Variants in ULK4 observed in about 807,000 individuals in gnomAD.
The protein encoded by ULK4 is unc-51 like kinase 4.
In ULK4, 133 loss-of-function variants were observed where a neutral mutation model predicts 160.6. That is an observed-to-expected ratio of 0.83 (90% CI 0.72 to 0.96). The LOEUF (loss-of-function observed/expected upper bound fraction) is 0.96. Ranked by LOEUF, ULK4 falls within the 40% of genes least tolerant of loss-of-function variation. ULK4 has a pLI of 0.00. For missense variants in ULK4, 1,580 were observed against 1,499.5 expected, an observed-to-expected ratio of 1.05 and a Z score of -0.89; for synonymous variants, 534 against 539.8, an observed-to-expected ratio of 0.99 and a Z score of 0.15.
intron 35 of ULK4, chr3:41,278,263 G>C (rs2079269606): frequency 6.6e-6 from 1 of 152,466 alleles, no homozygotes; most frequent in South Asian, 2.1e-4. Context: ...CATTGCTGAG[G>C]CTTGAGTAGG....
intron 23 of ULK4, 69 bp from the exon 24 acceptor site, chr3:41,715,637 G>C: frequency 6.3e-7 from 1 of 1,594,764 alleles, no homozygotes. Context: ...ACTGGTCATT[G>C]CTTGAATACC....
chr3:41,858,669 G>GTTT (rs1553675928), intron 17 of ULK4, among the ~76,000 whole-genome samples: 109 of 127,024 alleles, frequency 8.6e-4, no homozygotes, highest in African/African-American at 3.4e-3. Context: ...ATTTTTGTGT[G>GTTT]ATTTTTTTTT....
At position 41,671,942 on chromosome 3, in the gene ULK4, A is replaced by G. The variant is rs542576830; in HGVS notation, c.2979-8243T>C. On this transcript the variant is annotated intron_variant, in intron 29 of 36. Transcript: ENST00000301831. ...AAAGGATATAAACATTTCTCAAAAG[A>G]AGACATACAAATGGCCAACGGGTAC... 4.6e-5 allele frequency among the ~76,000 whole-genome samples: 7 copies of G among 152,298 alleles called. 1 individual carries two copies. The highest frequency in any genetic ancestry group is 4.6e-4 in the Admixed American group (7 of 15,298).
intron 32 of ULK4, among the ~76,000 whole-genome samples, chr3:41,507,258 C>A (rs1199508127): frequency 5.4e-5 from 8 of 148,626 alleles, no homozygotes; most frequent in Non-Finnish European, 1.5e-5. Flanking sequence ...AAAAACAATG[C>A]CAAGTTAAAT....
At chr3:41,937,246 A>T (rs73071208) in intron 3 of ULK4, 83,316 of 628,450 alleles carry the variant, frequency 0.13, 6,359 homozygotes, top group Middle Eastern at 0.22. Context: ...CAGAGATCAG[A>T]AACAACAGCT....
chr3:41,584,043 A>G (rs976595457), intron 31 of ULK4, among the ~76,000 whole-genome samples: 2 of 152,206 alleles, frequency 1.3e-5, no homozygotes, highest in African/African-American at 2.4e-5. Flanking sequence ...CAATTCACTA[A>G]TTAAGTGGTT....
At position 41,863,882 on chromosome 3, in the gene ULK4, T is replaced by A. The variant is rs530841752; in HGVS notation, c.1656+19992A>T. On this transcript the variant is annotated intron_variant, in intron 17 of 36. Coordinates refer to ENST00000301831, the MANE Select transcript of ULK4 (RefSeq NM_017886.4). ...TCAAGCAGAAGGAAGGGGTCTTTTT[T>A]TGGAGCCGCGAGCTATGCAGCCTGG... Among the ~76,000 whole-genome samples, 101 of 151,762 alleles carry A rather than the reference T, an allele frequency of 6.7e-4. 1 individual carries two copies. The highest frequency in any genetic ancestry group is 2.1e-3 in the African/African-American group (88 of 41,390).
At chr3:41,491,310 T>C (rs1353439395) in intron 32 of ULK4, among the ~76,000 whole-genome samples, 3 of 133,328 alleles carry the variant, frequency 2.3e-5, no homozygotes, top group African/African-American at 8.5e-5. Flanking sequence ...AAAGTTGTTT[T>C]GGAAAAAATA....
rs529880069 is a variant in ULK4, at chr3:41,574,750, G to A, written c.3121-8620C>T. 2.0e-5 allele frequency among the ~76,000 whole-genome samples: 3 copies of A among 152,124 alleles called. No homozygotes were observed. The South Asian group carries it at 6.2e-4, about 32-fold the overall frequency. ...TCTAGTAGAGATGGGGTTTCACCGT[G>A]TTAGCCAGGATGGTCTCAATCTCCT... On this transcript the variant is annotated intron_variant, in intron 31 of 36. Transcript: ENST00000301831.
rs1491089866 is a variant in ULK4 at position 41,953,305 on chromosome 3, T to TATATATATATATA, written c.138+1316_138+1317insTATATATATATAT. Among the ~76,000 whole-genome samples, 4 of 91,778 alleles carry TATATATATATATA rather than the reference T, an allele frequency of 4.4e-5. No individual in the cohort carries two copies. The East Asian group carries it at 6.4e-4, about 15-fold the overall frequency. The allele number at this position is 91,778 out of a possible 152,430, so 60.2% of individuals were successfully genotyped here. A position where few individuals can be genotyped will look rare whatever the true frequency, so the allele number is the denominator to read the frequency against. On this transcript the variant is annotated intron_variant, in intron 2 of 36. Coordinates refer to ENST00000301831, the MANE Select transcript of ULK4 (RefSeq NM_017886.4). The stretch of plus-strand genomic sequence containing the variant: ...ATACACATATATATATATATATATA[T>TATATATATATATA]TTTTTTTTTTTTTTGAGATGGAGTC...
At position 41,951,544 on chromosome 3, in the gene ULK4, C is replaced by A. The variant is rs188122086; in HGVS notation, c.138+3078G>T. Among the ~76,000 whole-genome samples the A allele has an allele frequency of 3.5e-3, 540 of 152,240 alleles. 5 individuals are homozygous for A. The highest frequency in any genetic ancestry group is 6.4e-3 in the Non-Finnish European group (434 of 68,010). On this transcript the variant is annotated intron_variant, in intron 2 of 36. Transcript: ENST00000301831. ...TAAGGAGCCCAGAAATAAACCCTCACACATATGGTCAAATGACTTCCAATA... is the reference window on the plus strand; with the variant it reads ...TAAGGAGCCCAGAAATAAACCCTCAAACATATGGTCAAATGACTTCCAATA...
intron 22 of ULK4, among the ~76,000 whole-genome samples, chr3:41,746,616 C>A (rs2038432740): frequency 6.6e-6 from 1 of 151,532 alleles, no homozygotes; most frequent in Non-Finnish European, 1.5e-5. Context: ...AAGGTTTTGG[C>A]AAATATAAAC....
At chr3:41,921,681 C>A (rs1442788045) in intron 5 of ULK4, among the ~76,000 whole-genome samples, 9 of 152,174 alleles carry the variant, frequency 5.9e-5, no homozygotes, top group Admixed American at 5.9e-4. Flanking sequence ...GAATTAAAGT[C>A]TCTGGGTTCA....
chr3:41,549,351 A>C (rs2086982365), intron 32 of ULK4, among the ~76,000 whole-genome samples: 1 of 152,236 alleles, frequency 6.6e-6, no homozygotes, highest in Non-Finnish European at 1.5e-5. Flanking sequence ...GCTGTCATTA[A>C]GTAGGACCAA....
intron 32 of ULK4, among the ~76,000 whole-genome samples, chr3:41,506,767 A>AAAAAAAAAAAAAAATATATAAATATATAT: frequency 1.8e-5 from 1 of 56,766 alleles, no homozygotes; most frequent in East Asian, 8.2e-4. Context: ...TGTGATTTAA[A>AAAAAAAAAAAAAAATATATAAATATATAT]ATATATATAT....
At position 41,907,867 on chromosome 3, in the gene ULK4, T is replaced by C. The variant is rs774968257; in HGVS notation, c.1160A>G (p.Gln387Arg). The C allele has an allele frequency of 9.1e-5, 145 of 1,597,064 alleles. No homozygotes were observed. The Admixed American group carries it at 2.5e-3, about 27-fold the overall frequency. ...CACCTTGGTCAGAGGAGAAGTCTTC[T>C]GTGGTGAACAGTGAGTCATATCCTC... ...PGEDMTHCSP[Q>R]KTSPLTKITS... Residue 387 changes from glutamine (Q) to arginine (R), a missense_variant, in exon 12 of 37, where the codon CAG becomes CGG. Coordinates refer to ENST00000301831, the MANE Select transcript of ULK4 (RefSeq NM_017886.4).
chr3:41,931,222 A>G (rs1387924593), intron 5 of ULK4, among the ~76,000 whole-genome samples: 1 of 152,168 alleles, frequency 6.6e-6, no homozygotes, highest in African/African-American at 2.4e-5. Flanking sequence ...TCAGCAAACT[A>G]TCACAAGAAC....
chr3:41,507,271 A>G (rs2085427530), intron 32 of ULK4, among the ~76,000 whole-genome samples: 1 of 151,386 alleles, frequency 6.6e-6, no homozygotes, highest in South Asian at 2.1e-4. Flanking sequence ...AGTTAAATAC[A>G]TTTGAAAACC....
At chr3:41,926,696 G>A (rs1699400451) in intron 5 of ULK4, among the ~76,000 whole-genome samples, 1 of 152,160 alleles carries the variant, frequency 6.6e-6, no homozygotes, top group Non-Finnish European at 1.5e-5. Context: ...AGAACTTCAT[G>A]AAGCACACAC....
Sources: gnomAD v4.1 joint callset for allele counts (sites outside exome capture counted in the v4.1 genomes callset) on GRCh38, gnomAD v4.1.1 for gene constraint, MANE v1.5 for transcripts, NCBI Gene and HGNC (gene_info 2026-07-23, HGNC 2026-07-21) for gene names.